Variants in CCSER1 observed in about 807,000 individuals in gnomAD.
CCSER1 encodes serine-rich coiled-coil domain-containing protein 1.
Under a neutral mutation model 82.0 loss-of-function variants are expected in CCSER1, and 41 were observed. That is an observed-to-expected ratio of 0.50 (90% CI 0.39 to 0.65). The LOEUF (loss-of-function observed/expected upper bound fraction) is 0.65, where lower values mean the gene tolerates loss of function less well. Among genes scored for constraint, CCSER1 ranks in the 30% least tolerant of loss-of-function variants. The pLI is 0.00. For synonymous variants in CCSER1, 414 were observed against 383.9 expected, an observed-to-expected ratio of 1.08 and a Z score of -0.92; for missense variants, 1,119 against 1,064.2, an observed-to-expected ratio of 1.05 and a Z score of -0.72.
intron 8 of CCSER1, among the ~76,000 whole-genome samples, chr4:90,847,984 G>A (rs544733773): frequency 5.3e-5 from 8 of 152,158 alleles, no homozygotes; most frequent in African/African-American, 1.9e-4. Context: ...CTTAGTATGT[G>A]GTAGTCATCA....
At chr4:91,421,196 A>G (rs887491023) in intron 10 of CCSER1, among the ~76,000 whole-genome samples, 1 of 152,198 alleles carries the variant, frequency 6.6e-6, no homozygotes, top group Admixed American at 6.5e-5. Flanking sequence ...AAGGGTATAC[A>G]TAGATATATA....
At chr4:90,166,344 C>T (rs996988973) in intron 1 of CCSER1, among the ~76,000 whole-genome samples, 3 of 151,662 alleles carry the variant, frequency 2.0e-5, no homozygotes, top group African/African-American at 7.3e-5. Context: ...GGGCACAACC[C>T]AATCATAAGG....
intron 4 of CCSER1, among the ~76,000 whole-genome samples, chr4:90,458,176 C>T (rs939866191): frequency 7.2e-5 from 11 of 152,042 alleles, no homozygotes; most frequent in African/African-American, 2.2e-4. Context: ...TGGTTTGCTG[C>T]GGCTCTTAGG....
intron 10 of CCSER1, among the ~76,000 whole-genome samples, chr4:91,201,803 A>G (rs1735921311): frequency 6.6e-6 from 1 of 152,070 alleles, no homozygotes; most frequent in Non-Finnish European, 1.5e-5. Context: ...AAATGACATC[A>G]GTAGAATAAG....
At chr4:91,176,994 A>G (rs1348120715) in intron 10 of CCSER1, among the ~76,000 whole-genome samples, 3 of 152,160 alleles carry the variant, frequency 2.0e-5, no homozygotes, top group Non-Finnish European at 4.4e-5. Context: ...GATACGTCCC[A>G]TCAATACTAG....
chr4:91,116,616 A>G (rs1726629794), intron 10 of CCSER1, among the ~76,000 whole-genome samples: 1 of 152,202 alleles, frequency 6.6e-6, no homozygotes, highest in Non-Finnish European at 1.5e-5. Context: ...CATACATAAC[A>G]TTTTGTAAAT....
intron 10 of CCSER1, among the ~76,000 whole-genome samples, chr4:91,101,633 C>A (rs1488223804): frequency 2.8e-4 from 41 of 146,588 alleles, no homozygotes; most frequent in East Asian, 4.0e-4. Context: ...GACTCCGTCT[C>A]AAAAAAAAAA....
chr4:90,219,011 A>G (rs1009404952), intron 1 of CCSER1, among the ~76,000 whole-genome samples: 3 of 152,182 alleles, frequency 2.0e-5, no homozygotes, highest in Non-Finnish European at 4.4e-5. Context: ...ACCTAAGGTT[A>G]AGGAGAAATT....
chr4:91,030,351 A>T lies in CCSER1; in HGVS notation c.2173-55599A>T, dbSNP rs571049435. On this transcript the variant is annotated intron_variant, in intron 9 of 10. Coordinates refer to ENST00000509176, the MANE Select transcript of CCSER1 (RefSeq NM_001145065.2). Reference sequence around the variant, plus strand: ...TTACTGTATTCAATATAAAAACTACAAGCACACATAGCTATTGAGCACTTG... The same window carrying T: ...TTACTGTATTCAATATAAAAACTACTAGCACACATAGCTATTGAGCACTTG... Among the ~76,000 whole-genome samples, 10 of 152,274 alleles carry T rather than the reference A, an allele frequency of 6.6e-5. 1 individual carries two copies. The East Asian group carries it at 1.7e-3, about 26-fold the overall frequency.
intron 10 of CCSER1, among the ~76,000 whole-genome samples, chr4:91,373,335 C>T (rs536310079): frequency 5.9e-5 from 9 of 152,160 alleles, no homozygotes; most frequent in Middle Eastern, 3.4e-3. Flanking sequence ...AACCCCGCCT[C>T]GAGCAAGTCT....
chr4:90,276,892 ACT>A (rs1250374862), intron 1 of CCSER1, among the ~76,000 whole-genome samples: 2 of 151,272 alleles, frequency 1.3e-5, no homozygotes, highest in African/African-American at 4.9e-5. Flanking sequence ...TCTTGACTTG[ACT>A]CTCAGCTAGA....
At chr4:90,472,985 C>G (rs1316036253) in intron 5 of CCSER1, among the ~76,000 whole-genome samples, 2 of 151,976 alleles carry the variant, frequency 1.3e-5, no homozygotes, top group Non-Finnish European at 2.9e-5. Context: ...TAATTGGGAG[C>G]TAAATAATGG....
chr4:91,245,853 C>T (rs182159328), intron 10 of CCSER1, among the ~76,000 whole-genome samples: 294 of 152,260 alleles, frequency 1.9e-3, no homozygotes, highest in Middle Eastern at 6.8e-3. Flanking sequence ...TGTGCCACGA[C>T]GTCCGGTTAG....
chr4:90,819,887 A>G (rs1385562565), intron 8 of CCSER1, among the ~76,000 whole-genome samples: 1 of 152,234 alleles, frequency 6.6e-6, no homozygotes, highest in African/African-American at 2.4e-5. Flanking sequence ...ATTAAATGTT[A>G]GAATATTACA....
intron 10 of CCSER1, among the ~76,000 whole-genome samples, chr4:91,173,593 CAAAAAAAAAAA>C (rs55747744): frequency 3.8e-5 from 4 of 104,688 alleles, no homozygotes; most frequent in Admixed American, 2.1e-4. Context: ...GACTCCGTCT[CAAAAAAAAAAA>C]AAAAAAAAAA....
intron 10 of CCSER1, among the ~76,000 whole-genome samples, chr4:91,195,589 G>A (rs1342699883): frequency 1.3e-5 from 2 of 152,110 alleles, no homozygotes; most frequent in African/African-American, 2.4e-5. Flanking sequence ...ATCAGAAGAG[G>A]CTTAACCTTC....
At chr4:91,434,010 G>A (rs1037409892) in intron 10 of CCSER1, among the ~76,000 whole-genome samples, 4 of 152,318 alleles carry the variant, frequency 2.6e-5, no homozygotes, top group Middle Eastern at 3.4e-3. Context: ...CATTGAGACC[G>A]CTTGAGGAAG....
intron 1 of CCSER1, among the ~76,000 whole-genome samples, chr4:90,244,107 G>T (rs1378521311): frequency 6.6e-6 from 1 of 152,168 alleles, no homozygotes; most frequent in Non-Finnish European, 1.5e-5. Context: ...TAGAAAACGA[G>T]TTTCTTAAAG....
chr4:91,397,661 C>G (rs1205745281), intron 10 of CCSER1, among the ~76,000 whole-genome samples: 1 of 151,958 alleles, frequency 6.6e-6, no homozygotes, highest in Non-Finnish European at 1.5e-5. Flanking sequence ...ATAGTGCAAA[C>G]TCTCCCTGGG....
Sources: gnomAD v4.1 joint callset for allele counts (sites outside exome capture counted in the v4.1 genomes callset) on GRCh38, gnomAD v4.1.1 for gene constraint, MANE v1.5 for transcripts, NCBI Gene and HGNC (gene_info 2026-07-23, HGNC 2026-07-21) for gene names.